Variants in LRRK1 observed in about 807,000 individuals in gnomAD.
LRRK1 encodes the protein leucine-rich repeat serine/threonine-protein kinase 1.
Under a neutral mutation model 209.1 loss-of-function variants are expected in LRRK1, and 113 were observed. That is an observed-to-expected ratio of 0.54 (90% CI 0.46 to 0.63). The LOEUF (loss-of-function observed/expected upper bound fraction) is 0.63, where lower values mean the gene tolerates loss of function less well. Ranked by LOEUF, LRRK1 falls within the 30% of genes least tolerant of loss-of-function variation. The pLI is 0.00. For synonymous variants in LRRK1, 1,144 were observed against 1,099.7 expected (o/e 1.04, Z -0.80); for missense variants, 2,284 against 2,632.2 (o/e 0.87, Z 2.89).
At chr15:101,039,562 T>G in intron 20 of LRRK1, among the ~76,000 whole-genome samples, 1 of 152,208 alleles carries the variant, frequency 6.6e-6, no homozygotes, top group South Asian at 2.1e-4. Context: ...CATTCTAATC[T>G]TCACATATTT....
chr15:100,931,615 G>A (rs2042213235), intron 2 of LRRK1, among the ~76,000 whole-genome samples: 1 of 152,162 alleles, frequency 6.6e-6, no homozygotes, highest in African/African-American at 2.4e-5. Flanking sequence ...GAGATGGAAG[G>A]TTCAGGGCCT....
At position 101,073,631 on chromosome 15, in the gene LRRK1, C is replaced by A. The variant is rs1264907037; in HGVS notation, c.*4783C>A. On this transcript the variant is annotated 3_prime_UTR_variant, in exon 34 of 34. Transcript: ENST00000388948. ...TGTGCCCCAATCCCTTATTTCCATGCCCCCACCTCTTATATCTCTGCACCT... is the reference window on the plus strand; with the variant it reads ...TGTGCCCCAATCCCTTATTTCCATGACCCCACCTCTTATATCTCTGCACCT... 3 of 152,080 alleles carry A rather than the reference C, an allele frequency of 2.0e-5. No individual in the cohort carries two copies. Among genetic ancestry groups the A allele is most frequent in the African/African-American group, 2.4e-5 (1 of 41,382 alleles). The allele number at this position is 152,080 out of a possible 1,614,324, so 9.4% of individuals were successfully genotyped here. A position where few individuals can be genotyped will look rare whatever the true frequency, so the allele number is the denominator to read the frequency against.
chr15:100,948,442 G>T (rs1434225639), intron 2 of LRRK1, among the ~76,000 whole-genome samples: 1 of 152,124 alleles, frequency 6.6e-6, no homozygotes, highest in African/African-American at 2.4e-5. Flanking sequence ...CCTCCCTGTG[G>T]GTTGTACCAT....
chr15:101,055,375 G>C, intron 27 of LRRK1, 152 bp downstream of exon 27: 1 of 739,434 alleles, frequency 1.4e-6, no homozygotes, highest in Non-Finnish European at 2.0e-6. Flanking sequence ...GGGAGGTTCT[G>C]GCTTGAACCA....
intron 2 of LRRK1, among the ~76,000 whole-genome samples, chr15:100,933,319 C>G (rs1292869834): frequency 6.6e-6 from 1 of 152,176 alleles, no homozygotes; most frequent in Non-Finnish European, 1.5e-5. Context: ...GGTGAGGGTC[C>G]TCTTCCATTC....
At chr15:101,002,727 T>A (rs981439979) in intron 6 of LRRK1, among the ~76,000 whole-genome samples, 1 of 149,436 alleles carries the variant, frequency 6.7e-6, no homozygotes, top group East Asian at 1.9e-4. Context: ...CATGAACATC[T>A]TTTTATTTAT....
rs2036778373 is a variant in LRRK1, at chr15:101,070,871, A to AGCCT, written c.*2024_*2027dup. On this transcript the variant is annotated 3_prime_UTR_variant, in exon 34 of 34. Coordinates refer to ENST00000388948, the MANE Select transcript of LRRK1 (RefSeq NM_024652.6). The stretch of plus-strand genomic sequence containing the variant: ...AAACTTACGTGGAAAATTAGTCCAA[A>AGCCT]GCCTAAAAGACTAGCAACTGAGAAA... The AGCCT allele has an allele frequency of 6.6e-6, 1 of 152,184 alleles. No individual in the cohort carries two copies. The highest frequency in any genetic ancestry group is 1.5e-5 in the Non-Finnish European group (1 of 68,034). The allele number at this position is 152,184 out of a possible 1,614,324, so 9.4% of individuals were successfully genotyped here. A position where few individuals can be genotyped will look rare whatever the true frequency, so the allele number is the denominator to read the frequency against.
At chr15:100,982,447 G>T (rs2031656117) in intron 3 of LRRK1, among the ~76,000 whole-genome samples, 1 of 152,242 alleles carries the variant, frequency 6.6e-6, no homozygotes, top group Admixed American at 6.5e-5. Context: ...TAGCTATGTG[G>T]TCTTGGGCAA....
intron 20 of LRRK1, among the ~76,000 whole-genome samples, chr15:101,039,055 C>A (rs1344976648): frequency 6.6e-6 from 1 of 152,152 alleles, no homozygotes; most frequent in African/African-American, 2.4e-5. Flanking sequence ...GCATATGACA[C>A]CCTCCAATTT....
chr15:100,981,497 A>G (rs539980416), intron 3 of LRRK1, among the ~76,000 whole-genome samples: 1 of 151,980 alleles, frequency 6.6e-6, no homozygotes, highest in African/African-American at 2.4e-5. Flanking sequence ...TCCTCTCCTC[A>G]CGTGTCAGAC....
intron 2 of LRRK1, among the ~76,000 whole-genome samples, chr15:100,967,185 C>T (rs1408038552): frequency 6.6e-6 from 1 of 152,180 alleles, no homozygotes; most frequent in Non-Finnish European, 1.5e-5. Context: ...CTCACATGTC[C>T]CAGGGGCTCT....
intron 2 of LRRK1, among the ~76,000 whole-genome samples, chr15:100,967,498 G>A (rs1037309688): frequency 1.9e-4 from 29 of 151,202 alleles, no homozygotes; most frequent in South Asian, 4.2e-4. Flanking sequence ...GCTTTGCTCC[G>A]TAAGCAGCTT....
In LRRK1 at chr15:101,072,222, C is replaced by G. The variant is rs1354198971; in HGVS notation, c.*3374C>G. The G allele has an allele frequency of 6.6e-6, 1 of 152,212 alleles. No homozygotes were observed. The highest frequency in any genetic ancestry group is 2.4e-5 in the African/African-American group (1 of 41,452). The allele number at this position is 152,212 out of a possible 1,614,324, so 9.4% of individuals were successfully genotyped here. On this transcript the variant is annotated 3_prime_UTR_variant, in exon 34 of 34. Transcript: ENST00000388948. ...GCACATACCCTCTGACCCAGCAGTT[C>G]CACTTAAGTATTTGGTCCTGAAATC...
intron 6 of LRRK1, among the ~76,000 whole-genome samples, chr15:100,995,579 G>A (rs1036206145): frequency 5.3e-5 from 8 of 152,308 alleles, no homozygotes; most frequent in South Asian, 2.1e-4. Context: ...GACGGCCCGC[G>A]TTCGTGGTGA....
At position 100,980,196 on chromosome 15, in the gene LRRK1, C is replaced by T. The variant is rs551404020; in HGVS notation, c.262-3332C>T. 3.5e-4 allele frequency among the ~76,000 whole-genome samples: 53 copies of T among 151,820 alleles called. No individual in the cohort carries two copies. The South Asian group carries it at 0.011, about 31-fold the overall frequency. On this transcript the variant is annotated intron_variant, in intron 3 of 33. Coordinates refer to ENST00000388948, the MANE Select transcript of LRRK1 (RefSeq NM_024652.6). The stretch of plus-strand genomic sequence containing the variant: ...ACCAAAGACTCTCAGTAAGTGGATA[C>T]TTAAACATATATGGAGTACTACTAA...
chr15:101,012,183 T>C, intron 10 of LRRK1, 38 bp downstream of exon 10: 4 of 1,560,320 alleles, frequency 2.6e-6, no homozygotes, highest in Non-Finnish European at 3.5e-6. Context: ...TTTTCGGCTT[T>C]TGAGAGAAAA....
chr15:101,068,216 A>C (rs1308341159), intron 33 of LRRK1, among the ~76,000 whole-genome samples: 1 of 152,218 alleles, frequency 6.6e-6, no homozygotes, highest in Non-Finnish European at 1.5e-5. Context: ...TTTCCATTTA[A>C]TATATGATCC....
Position 100,983,663 on chromosome 15 carries a change from A to G in LRRK1, c.397A>G (p.Thr133Ala). ...PAVVAAYFGH[T>A]AVVQELLESL... ...CGTGGTGGCAGCGTATTTTGGACAC[A>G]CGGCAGTTGTGCAGGAATTGCTTGA... Residue 133 changes from threonine to alanine, a missense_variant, in exon 4 of 34, where the codon ACG (threonine) becomes GCG (alanine). Transcript: ENST00000388948. 6.2e-7 allele frequency: 1 copy of G among 1,608,520 alleles called. No individual in the cohort carries two copies. Among genetic ancestry groups the G allele is most frequent in the Non-Finnish European group, 8.5e-7 (1 of 1,176,424 alleles).
chr15:100,930,762 G>A (rs555148287), intron 2 of LRRK1, among the ~76,000 whole-genome samples: 4 of 152,344 alleles, frequency 2.6e-5, no homozygotes, highest in East Asian at 1.9e-4. Flanking sequence ...TGTGCAGAGC[G>A]ACAAGGATTT....
Sources: allele counts gnomAD v4.1 joint callset (sites outside exome capture counted in the v4.1 genomes callset), GRCh38; gene constraint gnomAD v4.1.1; transcripts MANE v1.5; gene names NCBI Gene and HGNC (gene_info 2026-07-23, HGNC 2026-07-21).